The following NRXN1 variants were observed in gnomAD, a reference collection of about 807,000 sequenced individuals.
The protein encoded by NRXN1 is neurexin 1, also known as neurexin-1.
A neutral mutation model predicts 150.9 loss-of-function variants in NRXN1; 39 were observed. The ratio of observed to expected loss-of-function variants is 0.26; its 90% CI spans 0.20 to 0.34. The LOEUF (loss-of-function observed/expected upper bound fraction) is 0.34, where lower values mean the gene tolerates loss of function less well. Ranked by LOEUF, NRXN1 falls within the 10% of genes least tolerant of loss-of-function variation. The probability of loss-of-function intolerance (pLI) is 1.00; values close to 1 mark genes in which losing one functional copy is unlikely to be tolerated. For missense variants in NRXN1, 1,815 were observed against 1,949.9 expected, an observed-to-expected ratio of 0.93 and a Z score of 1.30; for synonymous variants, 924 against 757.0, an observed-to-expected ratio of 1.22 and a Z score of -3.62.
At chr2:50,418,130 G>A (rs1036683890) in intron 17 of NRXN1, among the ~76,000 whole-genome samples, 4 of 151,980 alleles carry the variant, frequency 2.6e-5, no homozygotes, top group African/African-American at 4.8e-5. Context: ...TATTTCCTTT[G>A]TACTTGAGAG....
intron 18 of NRXN1, among the ~76,000 whole-genome samples, chr2:50,124,437 A>G (rs1008211688): frequency 2.0e-5 from 3 of 152,160 alleles, no homozygotes; most frequent in African/African-American, 7.2e-5. Flanking sequence ...TATAGATTCT[A>G]GTGACTTCTC....
chr2:50,377,900 A>G (rs1330972602), intron 17 of NRXN1, among the ~76,000 whole-genome samples: 1 of 152,194 alleles, frequency 6.6e-6, no homozygotes, highest in African/African-American at 2.4e-5. Flanking sequence ...TTGCAGTTCT[A>G]TAAGCTATAG....
intron 17 of NRXN1, among the ~76,000 whole-genome samples, chr2:50,439,614 G>T (rs905620133): frequency 2.0e-5 from 3 of 151,958 alleles, no homozygotes; most frequent in Non-Finnish European, 4.4e-5. Flanking sequence ...AGACCATCCT[G>T]GCTAACACGG....
chr2:50,285,990 G>A (rs1353594544), intron 17 of NRXN1, among the ~76,000 whole-genome samples: 1 of 151,856 alleles, frequency 6.6e-6, no homozygotes, highest in East Asian at 1.9e-4. Context: ...ATATCTCTCA[G>A]GTAGATTTTT....
In NRXN1 at chr2:49,972,343, TA is replaced by T. The variant is rs372718170; in HGVS notation, c.4129-28553del. ...ATTGGTCAGGCTCCACGCTGCATGA[TA>T]AAATCAACAAATACTTAAATAAAAT... On this transcript the variant is annotated intron_variant, in intron 21 of 22. Transcript: ENST00000401669. Among the ~76,000 whole-genome samples, 46 of 152,248 alleles carry T rather than the reference TA, an allele frequency of 3.0e-4. No individual in the cohort carries two copies. The East Asian group carries it at 8.9e-3, about 29-fold the overall frequency.
chr2:50,677,214 C>A (rs1574066065), intron 5 of NRXN1, among the ~76,000 whole-genome samples: 2 of 150,946 alleles, frequency 1.3e-5, no homozygotes, highest in East Asian at 4.0e-4. Context: ...CAATTTGGGA[C>A]ATTCCCAAAG....
chr2:50,650,936 A>C (rs1685521507), intron 5 of NRXN1, among the ~76,000 whole-genome samples: 1 of 152,052 alleles, frequency 6.6e-6, no homozygotes, highest in South Asian at 2.1e-4. Flanking sequence ...ACACTTTGGA[A>C]TTAACTTTGA....
chr2:50,415,727 T>C (rs1185293431), intron 17 of NRXN1, among the ~76,000 whole-genome samples: 1 of 152,082 alleles, frequency 6.6e-6, no homozygotes, highest in Non-Finnish European at 1.5e-5. Context: ...ATCATAAATA[T>C]TGAGTCCAGG....
intron 2 of NRXN1, among the ~76,000 whole-genome samples, chr2:50,935,235 T>A (rs188400495): frequency 6.6e-6 from 1 of 152,148 alleles, no homozygotes; most frequent in Non-Finnish European, 1.5e-5. Flanking sequence ...TATTACACCA[T>A]AGAAAAATAA....
At chr2:50,989,208 T>G (rs138492156) in intron 2 of NRXN1, among the ~76,000 whole-genome samples, 9 of 152,032 alleles carry the variant, frequency 5.9e-5, no homozygotes, top group Non-Finnish European at 1.3e-4. Context: ...TCCAAGAATT[T>G]ACTAATGACA....
At chr2:49,944,154 T>C (rs924201189) in intron 21 of NRXN1, among the ~76,000 whole-genome samples, 5 of 152,190 alleles carry the variant, frequency 3.3e-5, no homozygotes, top group Non-Finnish European at 7.3e-5. Context: ...TATGCATCAG[T>C]GGGCTTTATG....
At chr2:50,019,196 C>G in intron 21 of NRXN1, 1 of 471,246 alleles carries the variant, frequency 2.1e-6, no homozygotes, top group Non-Finnish European at 4.4e-6. Flanking sequence ...TGTATTCAGC[C>G]CTAGCCGTCC....
At chr2:50,481,224 G>C (rs1464603053) in intron 15 of NRXN1, among the ~76,000 whole-genome samples, 4 of 152,184 alleles carry the variant, frequency 2.6e-5, no homozygotes, top group African/African-American at 9.6e-5. Context: ...AATATGTACA[G>C]CTTCACTACT....
At chr2:50,388,210 G>C (rs892432036) in intron 17 of NRXN1, among the ~76,000 whole-genome samples, 2 of 152,164 alleles carry the variant, frequency 1.3e-5, no homozygotes, top group Non-Finnish European at 2.9e-5. Flanking sequence ...ATAATACAGT[G>C]AAGTAAAATA....
intron 17 of NRXN1, among the ~76,000 whole-genome samples, chr2:50,447,846 C>A (rs1277881733): frequency 6.9e-6 from 1 of 144,932 alleles, no homozygotes; most frequent in Non-Finnish European, 1.5e-5. Flanking sequence ...AATCTCACCA[C>A]AAATGAAATA....
chr2:50,863,804 CTG>C (rs1430088604), intron 5 of NRXN1, among the ~76,000 whole-genome samples: 1 of 151,958 alleles, frequency 6.6e-6, no homozygotes, highest in Admixed American at 6.6e-5. Flanking sequence ...CATTAAAAAA[CTG>C]TAAAAGCCCA....
chr2:50,002,324 T>C (rs1465842177), intron 21 of NRXN1, among the ~76,000 whole-genome samples: 1 of 152,178 alleles, frequency 6.6e-6, no homozygotes, highest in Non-Finnish European at 1.5e-5. Flanking sequence ...ATTTTCTCAG[T>C]GCTCTGTCTT....
chr2:49,987,018 C>T (rs560371036), intron 21 of NRXN1, among the ~76,000 whole-genome samples: 2 of 151,838 alleles, frequency 1.3e-5, no homozygotes, highest in Non-Finnish European at 2.9e-5. Flanking sequence ...TGAGCCACTG[C>T]GTTCCAGCTT....
intron 16 of NRXN1, among the ~76,000 whole-genome samples, chr2:50,466,911 T>A (rs2088940332): frequency 6.6e-6 from 1 of 151,776 alleles, no homozygotes; most frequent in East Asian, 1.9e-4. Flanking sequence ...TTTCTATGTT[T>A]TTCCCTCTAG....
Sources: gnomAD v4.1 joint callset for allele counts (sites outside exome capture counted in the v4.1 genomes callset) on GRCh38, gnomAD v4.1.1 for gene constraint, MANE v1.5 for transcripts, NCBI Gene and HGNC (gene_info 2026-07-23, HGNC 2026-07-21) for gene names.